The following KIAA1549L variants were observed in gnomAD, a reference collection of about 807,000 sequenced individuals.
The protein encoded by KIAA1549L is KIAA1549 like.
In KIAA1549L, 88 loss-of-function variants were observed where a neutral mutation model predicts 160.7. The ratio of observed to expected loss-of-function variants is 0.55; its 90% confidence interval spans 0.46 to 0.65. The LOEUF is 0.65. Among genes scored for constraint, KIAA1549L ranks in the 30% least tolerant of loss-of-function variants. The probability of loss-of-function intolerance (pLI) is 0.00; values close to 1 mark genes in which losing one functional copy is unlikely to be tolerated. For missense variants in KIAA1549L, 2,258 were observed against 2,437.5 expected, an observed-to-expected ratio of 0.93 and a Z score of 1.55; for synonymous variants, 950 against 976.7, an observed-to-expected ratio of 0.97 and a Z score of 0.51.
intron 1 of KIAA1549L, among the ~76,000 whole-genome samples, chr11:33,459,766 C>G (rs900795957): frequency 3.3e-5 from 5 of 150,960 alleles, no homozygotes; most frequent in Non-Finnish European, 7.4e-5. Flanking sequence ...TCGAGACCAT[C>G]CCGGCTAAAA....
At chr11:33,558,507 G>A (rs778424273) in intron 6 of KIAA1549L, among the ~76,000 whole-genome samples, 2 of 152,144 alleles carry the variant, frequency 1.3e-5, no homozygotes, top group African/African-American at 4.8e-5. Context: ...CAGGGGCACC[G>A]GACAGGGCAG....
In KIAA1549L at chr11:33,543,145, G is replaced by A. The variant is rs995252194; in HGVS notation, c.1582G>A (p.Ala528Thr). Residue 528 changes from alanine (A) to threonine (T), a missense_variant, in exon 2 of 21, where the codon GCA becomes ACA. Ala to Thr is a moderately conservative substitution (Grantham distance 58). Coordinates refer to ENST00000658780, the MANE Select transcript of KIAA1549L (RefSeq NM_012194.3). The part of the protein sequence containing the change: ...SPVPEMPTLP[A>T]EGSDGSPPAT... Reference sequence around the variant, plus strand: ...TGTGCCAGAAATGCCCACTCTTCCAGCAGAGGGCAGTGATGGGTCCCCTCC... The same window carrying A: ...TGTGCCAGAAATGCCCACTCTTCCAACAGAGGGCAGTGATGGGTCCCCTCC... The A allele has an allele frequency of 6.2e-7, 1 of 1,613,800 alleles. No individual in the cohort carries two copies. The highest frequency in any genetic ancestry group is 8.5e-7 in the Non-Finnish European group (1 of 1,179,852).
intron 10 of KIAA1549L, among the ~76,000 whole-genome samples, chr11:33,575,842 G>C (rs531612399): frequency 6.6e-6 from 1 of 152,180 alleles, no homozygotes; most frequent in East Asian, 1.9e-4. Flanking sequence ...TTGATCCGGA[G>C]ACTAAGGCCT....
chr11:33,658,969 G>A (rs1590456432), intron 19 of KIAA1549L, 71 bp downstream of exon 19: 1 of 1,435,654 alleles, frequency 7.0e-7, no homozygotes, highest in African/African-American at 1.4e-5. Flanking sequence ...CAAATCCCCA[G>A]TTCCAATCTC....
intron 1 of KIAA1549L, among the ~76,000 whole-genome samples, chr11:33,482,145 G>T (rs1429161185): frequency 6.6e-6 from 1 of 151,754 alleles, no homozygotes; most frequent in East Asian, 1.9e-4. Flanking sequence ...TCTTTGTGCT[G>T]TCTGGCACTA....
chr11:33,635,363 C>A (rs1219700273), intron 16 of KIAA1549L, among the ~76,000 whole-genome samples: 1 of 152,162 alleles, frequency 6.6e-6, no homozygotes, highest in Non-Finnish European at 1.5e-5. Flanking sequence ...CTTGCTGAAA[C>A]CCCCACTCGG....
chr11:33,427,272 C>G (rs1382543139), intron 1 of KIAA1549L, among the ~76,000 whole-genome samples: 2 of 152,138 alleles, frequency 1.3e-5, no homozygotes, highest in Non-Finnish European at 2.9e-5. Context: ...TTTCCACAAG[C>G]CCTTACCACT....
At chr11:33,629,205 C>G (rs1350978326) in intron 16 of KIAA1549L, among the ~76,000 whole-genome samples, 3 of 152,308 alleles carry the variant, frequency 2.0e-5, no homozygotes, top group East Asian at 3.9e-4. Context: ...ACCTTTCTCT[C>G]TGGCTGCCCT....
chr11:33,566,047 C>T (rs1010453051), intron 8 of KIAA1549L, among the ~76,000 whole-genome samples: 7 of 152,078 alleles, frequency 4.6e-5, no homozygotes, highest in Admixed American at 4.6e-4. Flanking sequence ...GTAAAATATA[C>T]CTAACATAAA....
At chr11:33,534,525 A>G (rs1181549963) in intron 1 of KIAA1549L, among the ~76,000 whole-genome samples, 1 of 152,082 alleles carries the variant, frequency 6.6e-6, no homozygotes, top group Non-Finnish European at 1.5e-5. Flanking sequence ...GTGGAAGTTT[A>G]TTGATAAAAA....
At chr11:33,402,579 C>T (rs1850525205) in intron 1 of KIAA1549L, among the ~76,000 whole-genome samples, 1 of 152,206 alleles carries the variant, frequency 6.6e-6, no homozygotes, top group Non-Finnish European at 1.5e-5. Context: ...GTATTCTTTC[C>T]TTACAGTGTT....
chr11:33,570,107 G>A (rs1222385417), intron 9 of KIAA1549L, among the ~76,000 whole-genome samples: 13 of 150,842 alleles, frequency 8.6e-5, no homozygotes, highest in African/African-American at 1.7e-4. Context: ...GGGTCCAAGC[G>A]ATTCTCCTGC....
chr11:33,455,668 C>T (rs1334353317), intron 1 of KIAA1549L, among the ~76,000 whole-genome samples: 1 of 152,098 alleles, frequency 6.6e-6, no homozygotes, highest in Non-Finnish European at 1.5e-5. Flanking sequence ...TCTGAGGCAG[C>T]CAGAAAAATT....
At position 33,660,917 on chromosome 11, in the gene KIAA1549L, C is replaced by T; in HGVS notation, c.6062C>T (p.Thr2021Ile). ...CCAGCTGCCAACAGACCTGGCTTCACCGGCTACTTCATCCCAACGCCTCCC... is the reference window on the plus strand; with the variant it reads ...CCAGCTGCCAACAGACCTGGCTTCATCGGCTACTTCATCCCAACGCCTCCC... ...AIPAANRPGF[T>I]GYFIPTPPSS... The change falls in exon 20 of 21, where the codon ACC becomes ATC. Residue 2021 changes from threonine to isoleucine, a missense_variant. By Grantham distance (89) the Thr-to-Ile change is moderately conservative (BLOSUM62 -1). This residue lies in a region of KIAA1549L where 1,359 missense variants were observed against 1,546.6 expected (regional missense o/e 0.88). Coordinates refer to ENST00000658780, the MANE Select transcript of KIAA1549L (RefSeq NM_012194.3). The T allele has an allele frequency of 6.2e-7, 1 of 1,613,800 alleles. No individual in the cohort carries two copies. Among genetic ancestry groups the T allele is most frequent in the Non-Finnish European group, 8.5e-7 (1 of 1,179,806 alleles).
At chr11:33,494,235 T>C (rs1264748457) in intron 1 of KIAA1549L, among the ~76,000 whole-genome samples, 1 of 152,234 alleles carries the variant, frequency 6.6e-6, no homozygotes. Flanking sequence ...TATATAGATA[T>C]GTTTTACTCT....
rs762916162 is a variant in KIAA1549L, at chr11:33,543,626, A to G, written c.2063A>G (p.Lys688Arg). ...VYDSLTIGDM[K>R]KPATTDVFWS... ...GATTCCTTAACAATAGGAGACATGA[A>G]AAAGCCAGCAACCACAGATGTTTTC... is the stretch of plus-strand genomic sequence containing the variant. The change falls in exon 2 of 21, where the codon AAA (lysine) becomes AGA (arginine). Residue 688 changes from lysine to arginine, a missense_variant. Coordinates refer to ENST00000658780, the MANE Select transcript of KIAA1549L (RefSeq NM_012194.3). 6.2e-7 allele frequency: 1 copy of G among 1,613,908 alleles called. No homozygotes were observed. The highest frequency in any genetic ancestry group is 1.7e-5 in the Admixed American group (1 of 60,002).
At chr11:33,485,656 A>G (rs780070346) in intron 1 of KIAA1549L, among the ~76,000 whole-genome samples, 180 of 152,276 alleles carry the variant, frequency 1.2e-3, no homozygotes, top group Non-Finnish European at 2.0e-3. Flanking sequence ...AACATTTAAA[A>G]TCTCAGCAAT....
At chr11:33,552,687 CACACACACACACACACAT>C (rs1274068400) in intron 6 of KIAA1549L, among the ~76,000 whole-genome samples, 3 of 148,662 alleles carry the variant, frequency 2.0e-5, no homozygotes, top group Non-Finnish European at 3.0e-5. Flanking sequence ...CACACACACA[CACACACACACACACACAT>C]GCGTTTTATA....
At chr11:33,392,175 A>G (rs1159965436) in intron 1 of KIAA1549L, among the ~76,000 whole-genome samples, 1 of 152,218 alleles carries the variant, frequency 6.6e-6, no homozygotes, top group South Asian at 2.1e-4. Context: ...CAATGTAAAT[A>G]TATTATCAGT....
Sources: allele counts gnomAD v4.1 joint callset (sites outside exome capture counted in the v4.1 genomes callset), GRCh38; gene constraint gnomAD v4.1.1; regional missense constraint gnomAD v4.1.1; transcripts MANE v1.5; gene names NCBI Gene and HGNC (gene_info 2026-07-23, HGNC 2026-07-21).